Variants in PITPNM2 observed in about 807,000 individuals in gnomAD.
PITPNM2 encodes the protein phosphatidylinositol transfer protein membrane associated 2, also known as membrane-associated phosphatidylinositol transfer protein 2.
Under a neutral mutation model 132.2 loss-of-function variants are expected in PITPNM2, and 35 were observed. That is an observed-to-expected ratio of 0.26 (90% CI 0.20 to 0.35). The LOEUF is 0.35. PITPNM2 is among the 10% of genes least tolerant of loss of function. The pLI, the probability that PITPNM2 is intolerant of heterozygous loss-of-function variation, is 1.00. For synonymous variants in PITPNM2, 738 were observed against 799.2 expected, an observed-to-expected ratio of 0.92 and a Z score of 1.29; for missense variants, 1,332 against 1,912.0, an observed-to-expected ratio of 0.70 and a Z score of 5.66.
chr12:122,995,615 A>T lies in PITPNM2; in HGVS notation c.1828T>A (p.Cys610Ser). 3.1e-6 allele frequency: 5 copies of T among 1,604,588 alleles called. No homozygotes were observed. The highest frequency in any genetic ancestry group is 4.2e-6 in the Non-Finnish European group (5 of 1,179,276). The stretch of plus-strand genomic sequence containing the variant: ...CCGCCGCCACCGCCACCACCGCAGC[A>T]GTGTGCTGCATTCATCAGGATGCCC... ...SPGILMNAAHCCGGGGGGGGG... is the reference protein window; with the variant it reads ...SPGILMNAAHSCGGGGGGGGG... Residue 610 changes from cysteine (C) to serine (S), a missense_variant, in exon 14 of 26, where the codon TGC (cysteine) becomes AGC (serine). Cys to Ser is a moderately radical substitution (Grantham distance 112). Transcript: ENST00000320201.
Position 122,992,454 on chromosome 12 carries a change from T to A in PITPNM2, c.2404+45A>T. On this transcript the variant is annotated intron_variant, in intron 16 of 25. Coordinates refer to ENST00000320201, the MANE Select transcript of PITPNM2 (RefSeq NM_020845.3). The surrounding 1 kb of genome is among the most constrained non-coding windows in gnomAD (Gnocchi z 6.5). ...GACCTAGGAGCCAGGGAGCCACGCT[T>A]ACCCCACCTTCCCCCAGAGGAGTGG... The A allele has an allele frequency of 6.4e-7, 1 of 1,567,658 alleles. No individual in the cohort carries two copies. The highest frequency in any genetic ancestry group is 1.2e-5 in the South Asian group (1 of 85,736).
At position 122,994,723 on chromosome 12, in the gene PITPNM2, C is replaced by A. The variant is rs2038344704; in HGVS notation, c.2233+78G>T. 1 of 1,458,518 alleles carries A rather than the reference C, an allele frequency of 6.9e-7. No homozygotes were observed. The highest frequency in any genetic ancestry group is 9.2e-7 in the Non-Finnish European group (1 of 1,091,228). 90.3% of individuals were successfully genotyped at this position (1,458,518 alleles called of 1,614,324 possible). A position where few individuals can be genotyped will look rare whatever the true frequency, so the allele number is the denominator to read the frequency against. ...CAGGCCTGGGACGTGGCCATGATCT[C>A]ATCACAGGGGTCCACTGAGACCCCC... On this transcript the variant is annotated intron_variant, in intron 15 of 25. Transcript: ENST00000320201. This position sits in a 1 kb window ranked among gnomAD's most constrained non-coding sequence, Gnocchi z 5.4.
intron 1 of PITPNM2, among the ~76,000 whole-genome samples, chr12:123,122,732 C>T (rs1377062084): frequency 1.3e-5 from 2 of 152,206 alleles, no homozygotes; most frequent in Non-Finnish European, 2.9e-5. Flanking sequence ...GCCCCTCAGT[C>T]GTGTGCAAGC....
At chr12:123,014,071 TG>T (rs766113643) in intron 3 of PITPNM2, 29 bp from the exon 4 acceptor site, 24 of 1,612,336 alleles carry the variant, frequency 1.5e-5, no homozygotes, top group Non-Finnish European at 2.0e-5. Context: ...CTGCAATGTG[TG>T]TGGGGCCAGA....
intron 1 of PITPNM2, among the ~76,000 whole-genome samples, chr12:123,130,953 T>A (rs898581082): frequency 1.2e-4 from 19 of 152,144 alleles, no homozygotes; most frequent in Non-Finnish European, 2.5e-4. Context: ...AAGGGGATGA[T>A]CCTGGTGCTG....
intron 1 of PITPNM2, among the ~76,000 whole-genome samples, chr12:123,114,193 C>A (rs1306839897): frequency 6.6e-6 from 1 of 152,010 alleles, no homozygotes; most frequent in Non-Finnish European, 1.5e-5. Context: ...ATTTTCAATT[C>A]TTTTGGGTAT....
In PITPNM2 at chr12:122,986,642, C is replaced by T. The variant is rs1256193409; in HGVS notation, c.3597+4G>A. On this transcript the variant is annotated splice_donor_region_variant and intron_variant, in intron 24 of 25. Coordinates refer to ENST00000320201, the MANE Select transcript of PITPNM2 (RefSeq NM_020845.3). The stretch of plus-strand genomic sequence containing the variant: ...CTGCCCTGCCCCATCCTCCCGGGCC[C>T]CACCTCGGAGATGAGCAGCTTCAGG... 7 of 1,611,382 alleles carry T rather than the reference C, an allele frequency of 4.3e-6. No homozygotes were observed. Among genetic ancestry groups the T allele is most frequent in the Non-Finnish European group, 5.9e-6 (7 of 1,178,632 alleles).
At chr12:123,115,534 C>T (rs779627731) in intron 1 of PITPNM2, among the ~76,000 whole-genome samples, 5 of 151,968 alleles carry the variant, frequency 3.3e-5, no homozygotes, top group Admixed American at 6.6e-5. Flanking sequence ...AAACCCAATA[C>T]GCGCCCGCAC....
Position 123,005,342 on chromosome 12 carries a change from G to A in PITPNM2, c.850C>T (p.Pro284Ser), listed in dbSNP as rs2038882707. The A allele has an allele frequency of 6.2e-7, 1 of 1,614,094 alleles. No homozygotes were observed. The highest frequency in any genetic ancestry group is 1.3e-5 in the African/African-American group (1 of 75,058). Reference sequence around the variant, plus strand: ...CCATTGCTGCTGCTGGGCTCCGGGGGCTCCCCAGAGGTCTGGTCCGAGACG... The same window carrying A: ...CCATTGCTGCTGCTGGGCTCCGGGGACTCCCCAGAGGTCTGGTCCGAGACG... ...EAVSDQTSGE[P>S]PEPSSSNGEP... Residue 284 changes from proline (P) to serine (S), a missense_variant, in exon 7 of 26, where the codon CCC becomes TCC. By Grantham distance (74) the Pro-to-Ser change is moderately conservative. Coordinates refer to ENST00000320201, the MANE Select transcript of PITPNM2 (RefSeq NM_020845.3). This position sits in a 1 kb window ranked among gnomAD's most constrained non-coding sequence, Gnocchi z 6.2.
At chr12:123,040,716 G>A (rs1451812408) in intron 2 of PITPNM2, among the ~76,000 whole-genome samples, 1 of 151,458 alleles carries the variant, frequency 6.6e-6, no homozygotes, top group Non-Finnish European at 1.5e-5. Context: ...TGTAGAACAC[G>A]ATACTTTTTT....
intron 2 of PITPNM2, among the ~76,000 whole-genome samples, chr12:123,041,961 T>C (rs774790792): frequency 1.2e-4 from 19 of 152,262 alleles, no homozygotes; most frequent in Admixed American, 4.6e-4. Flanking sequence ...CCATGTTCAC[T>C]GATGTCTTTG....
intron 1 of PITPNM2, among the ~76,000 whole-genome samples, chr12:123,125,615 G>C (rs1025273190): frequency 8.6e-5 from 13 of 151,734 alleles, no homozygotes; most frequent in Admixed American, 6.6e-4. Context: ...GAGGCCGAGG[G>C]GGGCGGATCA....
At chr12:123,030,931 C>T (rs1335734449) in intron 3 of PITPNM2, among the ~76,000 whole-genome samples, 1 of 150,842 alleles carries the variant, frequency 6.6e-6, no homozygotes, top group Non-Finnish European at 1.5e-5. Flanking sequence ...ATGAAATGTC[C>T]AGAACAGGCA....
chr12:123,150,162 T>A lies in PITPNM2; in HGVS notation c.-200+591A>T, dbSNP rs2043698743. ...TTTCCCTCTCCCCAAGGCCCCCCGA[T>A]CAGCCCTGCCACGGATAAGAAAGGA... On this transcript the variant is annotated intron_variant, in intron 1 of 25. Transcript: ENST00000320201. This position sits in a 1 kb window ranked among gnomAD's most constrained non-coding sequence, Gnocchi z 6.0. 1 of 152,568 alleles carries A rather than the reference T, an allele frequency of 6.6e-6. No homozygotes were observed. The highest frequency in any genetic ancestry group is 1.5e-5 in the Non-Finnish European group (1 of 68,440). 9.5% of individuals were successfully genotyped at this position (152,568 alleles called of 1,614,324 possible). A position where few individuals can be genotyped will look rare whatever the true frequency, so the allele number is the denominator to read the frequency against.
chr12:122,992,547 G>C lies in PITPNM2; in HGVS notation c.2356C>G (p.Pro786Ala). ...CCCAGCGGGTAGCGTTGGTAGCGGG[G>C]GACGCTGAAAGGCGGCAGGGCGTGA... ...RFHALPPFSVPRYQRYPLGDG... is the reference protein window; with the variant it reads ...RFHALPPFSVARYQRYPLGDG... Residue 786 changes from proline (P) to alanine (A), a missense_variant, in exon 16 of 26, where the codon CCC becomes GCC. Transcript: ENST00000320201. This position sits in a 1 kb window ranked among gnomAD's most constrained non-coding sequence, Gnocchi z 6.5. The C allele has an allele frequency of 6.2e-7, 1 of 1,611,560 alleles. No homozygotes were observed. The highest frequency in any genetic ancestry group is 8.5e-7 in the Non-Finnish European group (1 of 1,179,542).
chr12:123,004,309 T>A lies in PITPNM2; in HGVS notation c.1048+85A>T. 2 of 1,292,188 alleles carry A rather than the reference T, an allele frequency of 1.5e-6. No homozygotes were observed. The highest frequency in any genetic ancestry group is 2.2e-6 in the Non-Finnish European group (2 of 898,080). The allele number at this position is 1,292,188 out of a possible 1,614,324, so 80.0% of individuals were successfully genotyped here. The stretch of plus-strand genomic sequence containing the variant: ...TAGTAACAGGCAACACCCGCATCAG[T>A]CCACACCCACACCCTAAGCCCTTTC... On this transcript the variant is annotated intron_variant, in intron 8 of 25. Coordinates refer to ENST00000320201, the MANE Select transcript of PITPNM2 (RefSeq NM_020845.3). This position sits in a 1 kb window ranked among gnomAD's most constrained non-coding sequence, Gnocchi z 4.9.
chr12:122,991,947 G>A (rs2038207241), intron 16 of PITPNM2: 1 of 1,299,594 alleles, frequency 7.7e-7, no homozygotes, highest in Non-Finnish European at 9.8e-7. Flanking sequence ...ACACTTGCAT[G>A]GGCCATCCAG....
intron 6 of PITPNM2, chr12:123,007,537 C>T (rs191080449): frequency 2.6e-4 from 93 of 360,288 alleles, no homozygotes; most frequent in African/African-American, 1.9e-3. Context: ...TCCTGTGTAC[C>T]CTCTTTTCCT....
In PITPNM2 at chr12:122,995,462, G is replaced by A; in HGVS notation, c.1981C>T (p.Leu661=). Residue 661 remains leucine (L), a synonymous_variant, in exon 14 of 26, where the codon CTG becomes TTG. Transcript: ENST00000320201. ...GATGAGTCGCTCCTCTTGCGGGGCA[G>A]TTGCCTTTTGGGGTCCTCAGTGCCG... ...SNGTEDPKRQ[L]PRKRSDSSTY... 2.5e-6 allele frequency: 4 copies of A among 1,613,964 alleles called. No homozygotes were observed. The highest frequency in any genetic ancestry group is 3.4e-6 in the Non-Finnish European group (4 of 1,179,990).
Sources: allele counts gnomAD v4.1 joint callset (sites outside exome capture counted in the v4.1 genomes callset), GRCh38; gene constraint gnomAD v4.1.1; non-coding constraint Gnocchi (gnomAD v3.1); transcripts MANE v1.5; gene names NCBI Gene and HGNC (gene_info 2026-07-23, HGNC 2026-07-21).